The following KLHL3 variants were observed in gnomAD, a reference collection of about 807,000 sequenced individuals.
KLHL3 encodes kelch-like protein 3.
Under a neutral mutation model 70.5 loss-of-function variants are expected in KLHL3, and 19 were observed. That is an observed-to-expected ratio of 0.27 (90% CI 0.19 to 0.40). KLHL3 has a LOEUF of 0.40. Ranked by LOEUF, KLHL3 falls within the 10% of genes least tolerant of loss-of-function variation. The pLI is 1.00. For synonymous variants in KLHL3, 258 were observed against 290.3 expected (o/e 0.89, Z 1.13); for missense variants, 512 against 771.1 (o/e 0.66, Z 3.98).
chr5:137,628,655 T>A, intron 12 of KLHL3: 2 of 447,186 alleles, frequency 4.5e-6, no homozygotes, highest in Non-Finnish European at 3.9e-6. Flanking sequence ...TGAAATATAA[T>A]GCAAATGTGA....
intron 6 of KLHL3, among the ~76,000 whole-genome samples, chr5:137,662,966 A>C (rs184992485): frequency 6.6e-6 from 1 of 152,138 alleles, no homozygotes; most frequent in East Asian, 1.9e-4. Flanking sequence ...AAAAAAATGA[A>C]ACAACCTAAA....
intron 1 of KLHL3, among the ~76,000 whole-genome samples, chr5:137,726,253 T>C (rs1753083413): frequency 6.6e-6 from 1 of 152,170 alleles, no homozygotes; most frequent in Non-Finnish European, 1.5e-5. Flanking sequence ...AAGGACTCTA[T>C]AGCTAAAAAG....
chr5:137,690,147 G>A (rs554198458), intron 5 of KLHL3, among the ~76,000 whole-genome samples: 1 of 152,258 alleles, frequency 6.6e-6, no homozygotes, highest in Admixed American at 6.5e-5. Context: ...CTAACACGGT[G>A]AAACCCCATC....
chr5:137,682,048 T>G (rs958506590), intron 5 of KLHL3, among the ~76,000 whole-genome samples: 5 of 152,186 alleles, frequency 3.3e-5, no homozygotes, highest in African/African-American at 1.2e-4. Context: ...GGGGGTACAG[T>G]TGGGTCTCGG....
At position 137,736,022 on chromosome 5, in the gene KLHL3, G is replaced by T. The variant is rs1003399378; in HGVS notation, c.-376C>A. The T allele has an allele frequency of 4.6e-5, 17 of 371,648 alleles. No individual in the cohort carries two copies. Among genetic ancestry groups the T allele is most frequent in the Admixed American group, 1.1e-4 (3 of 27,222 alleles). 23.0% of individuals were successfully genotyped at this position (371,648 alleles called of 1,614,324 possible). On this transcript the variant is annotated 5_prime_UTR_variant, in exon 1 of 15. Transcript: ENST00000309755. ...TCCAGCTTCCTCTGCATCTGCCCAG[G>T]CATCCCCAGCCCAGGCGATTAGCCC...
intron 8 of KLHL3, among the ~76,000 whole-genome samples, chr5:137,657,415 A>G (rs1751370448): frequency 6.6e-6 from 1 of 152,168 alleles, no homozygotes; most frequent in South Asian, 2.1e-4. Flanking sequence ...ACAGGACTTT[A>G]GGGATCGAGT....
Position 137,720,545 on chromosome 5 carries a change from A to G in KLHL3, c.54T>C (p.Asp18=). The G allele has an allele frequency of 6.2e-7, 1 of 1,614,114 alleles. No homozygotes were observed. Among genetic ancestry groups the G allele is most frequent in the Non-Finnish European group, 8.5e-7 (1 of 1,180,002 alleles). The part of the protein sequence containing the change: ...LSSQTLIQAG[D]DEKNQRTITV... ...TGATCGTCCTCTGGTTCTTCTCATCATCCCCAGCCTGTATCAGAGTCTGGG... is the reference window on the plus strand; with the variant it reads ...TGATCGTCCTCTGGTTCTTCTCATCGTCCCCAGCCTGTATCAGAGTCTGGG... The change falls in exon 2 of 15, where the codon GAT becomes GAC. Residue 18 remains aspartate, a synonymous_variant. Transcript: ENST00000309755.
intron 6 of KLHL3, among the ~76,000 whole-genome samples, chr5:137,676,611 T>C (rs985197896): frequency 1.4e-4 from 22 of 152,174 alleles, no homozygotes; most frequent in Non-Finnish European, 2.8e-4. Context: ...GAACACCTAC[T>C]AGGTACCAAG....
At chr5:137,662,251 AC>A (rs1302523112) in intron 6 of KLHL3, among the ~76,000 whole-genome samples, 4 of 149,074 alleles carry the variant, frequency 2.7e-5, no homozygotes, top group African/African-American at 1.0e-4. Context: ...ACACACACAC[AC>A]ACACACACAC....
chr5:137,655,759 G>A (rs1751323906), intron 8 of KLHL3, among the ~76,000 whole-genome samples: 1 of 152,114 alleles, frequency 6.6e-6, no homozygotes, highest in Non-Finnish European at 1.5e-5. Context: ...CAAGGTGGGT[G>A]GACTGCTTGA....
intron 5 of KLHL3, among the ~76,000 whole-genome samples, chr5:137,682,792 C>T (rs1752065067): frequency 2.6e-5 from 4 of 152,080 alleles, no homozygotes; most frequent in South Asian, 2.1e-4. Context: ...CTGTATATAC[C>T]GAGCTCTAAA....
intron 6 of KLHL3, among the ~76,000 whole-genome samples, chr5:137,662,759 C>T (rs1007509193): frequency 7.9e-5 from 12 of 151,860 alleles, no homozygotes; most frequent in African/African-American, 2.7e-4. Context: ...GGGAAACCAG[C>T]AGTGTCTGTA....
At chr5:137,700,678 C>T (rs934827788) in intron 3 of KLHL3, among the ~76,000 whole-genome samples, 3 of 152,134 alleles carry the variant, frequency 2.0e-5, no homozygotes, top group African/African-American at 7.2e-5. Flanking sequence ...CTCCTTGCTC[C>T]TTTACATGAC....
At chr5:137,675,355 C>T (rs769953023) in intron 6 of KLHL3, among the ~76,000 whole-genome samples, 45 of 151,994 alleles carry the variant, frequency 3.0e-4, no homozygotes, top group Non-Finnish European at 5.7e-4. Context: ...CATATTTTAC[C>T]ATTATCAATG....
chr5:137,704,596 A>G (rs978215006), intron 3 of KLHL3, among the ~76,000 whole-genome samples: 1 of 152,174 alleles, frequency 6.6e-6, no homozygotes, highest in African/African-American at 2.4e-5. Flanking sequence ...GGTGGTCTCA[A>G]TTTTAAGGCT....
At chr5:137,708,373 C>T (rs1580778534) in intron 3 of KLHL3, among the ~76,000 whole-genome samples, 1 of 152,222 alleles carries the variant, frequency 6.6e-6, no homozygotes, top group South Asian at 2.1e-4. Flanking sequence ...AATGTGCCTG[C>T]ACTCACCCCT....
intron 1 of KLHL3, among the ~76,000 whole-genome samples, chr5:137,735,178 A>G (rs1753240808): frequency 6.6e-6 from 1 of 152,204 alleles, no homozygotes; most frequent in Non-Finnish European, 1.5e-5. Flanking sequence ...TGCTTGCTGA[A>G]GATTCAAGCA....
chr5:137,637,228 T>C lies in KLHL3; in HGVS notation c.1321+66A>G, dbSNP rs909439856. 7.6e-6 allele frequency: 10 copies of C among 1,308,758 alleles called. No homozygotes were observed. The African/African-American group carries it at 1.4e-4, about 19-fold the overall frequency. The allele number at this position is 1,308,758 out of a possible 1,614,324, so 81.1% of individuals were successfully genotyped here. A position where few individuals can be genotyped will look rare whatever the true frequency, so the allele number is the denominator to read the frequency against. ...ACGGTAGAGGAAGCACCAAGCATGA[T>C]GCTGGACCCAGGACAAGGCCCGTGG... is the stretch of plus-strand genomic sequence containing the variant. On this transcript the variant is annotated intron_variant, in intron 11 of 14. Transcript: ENST00000309755.
intron 5 of KLHL3, among the ~76,000 whole-genome samples, 168 bp downstream of exon 5, chr5:137,692,117 A>G (rs1396899232): frequency 1.3e-5 from 2 of 152,170 alleles, no homozygotes; most frequent in South Asian, 4.1e-4. Flanking sequence ...CCACTTGGCA[A>G]TGAGCTAAAC....
Sources: gnomAD v4.1 joint callset for allele counts (sites outside exome capture counted in the v4.1 genomes callset) on GRCh38, gnomAD v4.1.1 for gene constraint, MANE v1.5 for transcripts, NCBI Gene and HGNC (gene_info 2026-07-23, HGNC 2026-07-21) for gene names.